HDAC4: variants seen among roughly 807,000 people sequenced by gnomAD.
The protein encoded by HDAC4 is histone deacetylase 4.
HDAC4 carries 16 observed loss-of-function variants against 135.1 expected under a neutral mutation model. The observed-to-expected ratio is 0.12, with a 90% CI of 0.08 to 0.18. The LOEUF is 0.18. HDAC4 is among the 10% of genes least tolerant of loss of function. HDAC4 has a pLI of 1.00. For synonymous variants in HDAC4, 685 were observed against 653.4 expected, an observed-to-expected ratio of 1.05 and a Z score of -0.74; for missense variants, 1,143 against 1,511.8, an observed-to-expected ratio of 0.76 and a Z score of 4.05.
chr2:239,192,231 CA>C (rs1346691647), intron 3 of HDAC4, among the ~76,000 whole-genome samples: 1 of 119,156 alleles, frequency 8.4e-6, no homozygotes, highest in Admixed American at 9.8e-5. Flanking sequence ...GGGGTCCACC[CA>C]CCCCCCACCC....
intron 1 of HDAC4, among the ~76,000 whole-genome samples, chr2:239,387,147 G>T (rs920534599): frequency 6.6e-6 from 1 of 152,256 alleles, no homozygotes; most frequent in Non-Finnish European, 1.5e-5. Context: ...TGTTGAGGAG[G>T]AAGAACACTC....
In HDAC4 at chr2:239,382,827, C is replaced by A. The variant is rs182078414; in HGVS notation, c.-220+18151G>T. 3.3e-4 allele frequency among the ~76,000 whole-genome samples: 50 copies of A among 152,142 alleles called. No individual in the cohort carries two copies. The East Asian group carries it at 7.9e-3, about 24-fold the overall frequency. On this transcript the variant is annotated intron_variant, in intron 1 of 26. Coordinates refer to ENST00000543185, the MANE Select transcript of HDAC4 (RefSeq NM_001378414.1). ...GCAACCTCAGCCATCCAGGTTCAAG[C>A]AATTCTCTTGCCTCAGCCTCCTGAG...
chr2:239,274,564 T>G (rs1160852005), intron 2 of HDAC4, among the ~76,000 whole-genome samples: 2 of 152,120 alleles, frequency 1.3e-5, no homozygotes, highest in East Asian at 3.9e-4. Context: ...TCAACAACAA[T>G]ACAAGTAACC....
At chr2:239,346,152 C>T (rs1290093651) in intron 2 of HDAC4, among the ~76,000 whole-genome samples, 3 of 151,218 alleles carry the variant, frequency 2.0e-5, no homozygotes, top group Non-Finnish European at 4.4e-5. Context: ...CACATGCACT[C>T]ACCCAACACA....
intron 2 of HDAC4, among the ~76,000 whole-genome samples, chr2:239,278,307 G>A (rs979257306): frequency 6.6e-6 from 1 of 151,906 alleles, no homozygotes; most frequent in African/African-American, 2.4e-5. Flanking sequence ...TTTTCTACAA[G>A]GCCACAGAAA....
Position 239,352,626 on chromosome 2 carries a change from T to C in HDAC4, c.22+52A>G. On this transcript the variant is annotated intron_variant, in intron 2 of 26. Transcript: ENST00000543185. The surrounding 1 kb of genome is among the most constrained non-coding windows in gnomAD (Gnocchi z 4.4). The stretch of plus-strand genomic sequence containing the variant: ...GCTGCAGTCACAAGAACTTCTACTT[T>C]GGGCAAAGAAAGCCCCGCTGTGTGC... 2.0e-6 allele frequency: 3 copies of C among 1,533,918 alleles called. No individual in the cohort carries two copies. Among genetic ancestry groups the C allele is most frequent in the Non-Finnish European group, 8.8e-7 (1 of 1,130,684 alleles).
intron 6 of HDAC4, among the ~76,000 whole-genome samples, chr2:239,159,668 G>T (rs748110195): frequency 6.6e-6 from 1 of 151,580 alleles, no homozygotes; most frequent in South Asian, 2.1e-4. Flanking sequence ...AGCTAACCCC[G>T]GCCACAGCCC....
Position 239,230,122 on chromosome 2 carries a change from G to A in HDAC4, c.94+6471C>T, listed in dbSNP as rs142070964. 1.8e-3 allele frequency among the ~76,000 whole-genome samples: 276 copies of A among 152,080 alleles called. 1 individual carries two copies. The highest frequency in any genetic ancestry group is 6.2e-3 in the African/African-American group (258 of 41,480). ...GTGAGATCGCTGTTTTGATGTTAAC[G>A]CTGGTCAGCTGGGCCTGAACGCCAA... On this transcript the variant is annotated intron_variant, in intron 3 of 26. Transcript: ENST00000543185.
chr2:239,067,003 TG>T (rs2033587729), intron 23 of HDAC4, 148 bp from the exon 24 acceptor site: 1 of 931,352 alleles, frequency 1.1e-6, no homozygotes, highest in Non-Finnish European at 1.7e-6. Context: ...ATAAATTCGC[TG>T]AAGAGTTTCG....
rs1466767525 is a variant in HDAC4, at chr2:239,306,845, C to T, written c.22+45833G>A. 6.6e-6 allele frequency among the ~76,000 whole-genome samples: 1 copy of T among 151,946 alleles called. No homozygotes were observed. The highest frequency in any genetic ancestry group is 1.5e-5 in the Non-Finnish European group (1 of 67,944). On this transcript the variant is annotated intron_variant, in intron 2 of 26. Transcript: ENST00000543185. The surrounding 1 kb of genome is among the most constrained non-coding windows in gnomAD (Gnocchi z 4.5). ...ACACCCCCGAGGAGCCAGACAGGATCGAGAGAACCTTCTGGAAGGAGCTGC... is the reference window on the plus strand; with the variant it reads ...ACACCCCCGAGGAGCCAGACAGGATTGAGAGAACCTTCTGGAAGGAGCTGC...
chr2:239,078,077 C>T (rs997114558), intron 22 of HDAC4, among the ~76,000 whole-genome samples: 11 of 152,178 alleles, frequency 7.2e-5, no homozygotes, highest in Non-Finnish European at 1.5e-4. Flanking sequence ...GGAAGAGTCC[C>T]CATGTCCCCG....
chr2:239,364,864 C>T (rs549340139), intron 1 of HDAC4, among the ~76,000 whole-genome samples: 2 of 152,298 alleles, frequency 1.3e-5, no homozygotes, highest in African/African-American at 4.8e-5. Context: ...GAAATAGTCA[C>T]CATACTACTC....
chr2:239,151,718 C>T (rs771910795), intron 7 of HDAC4, among the ~76,000 whole-genome samples: 6 of 152,320 alleles, frequency 3.9e-5, no homozygotes, highest in South Asian at 2.1e-4. Context: ...TAGAGAATGC[C>T]GGAACAAGGC....
chr2:239,266,019 C>T (rs2049705627), intron 2 of HDAC4, among the ~76,000 whole-genome samples: 2 of 152,182 alleles, frequency 1.3e-5, no homozygotes, highest in South Asian at 2.1e-4. Flanking sequence ...CCAGCTCCCC[C>T]TCTAAGGACA....
At chr2:239,109,293 G>A (rs3828204) in intron 14 of HDAC4, among the ~76,000 whole-genome samples, 15,918 of 152,256 alleles carry the variant, frequency 0.1, 1,112 homozygotes, top group Admixed American at 0.24. Context: ...TGATAAGGGC[G>A]GGGCGCACGG....
chr2:239,171,576 T>G (rs549992163), intron 5 of HDAC4, among the ~76,000 whole-genome samples: 1 of 152,326 alleles, frequency 6.6e-6, no homozygotes, highest in South Asian at 2.1e-4. Context: ...TGGGGCAAAG[T>G]CAGTATCTGT....
At position 239,126,539 on chromosome 2, in the gene HDAC4, G is replaced by A; in HGVS notation, c.1450C>T (p.His484Tyr). Residue 484 changes from histidine (H) to tyrosine (Y), a missense_variant, in exon 12 of 27, where the codon CAC becomes TAC. Physicochemically the swap from His to Tyr is moderately conservative, Grantham distance 83. Coordinates refer to ENST00000543185, the MANE Select transcript of HDAC4 (RefSeq NM_001378414.1). ...TGATGCTGCTGCTGGATGACCAGGT[G>A]CTGCAGAGCCTGGGCGTTCTGGGGC... The part of the protein sequence containing the change: ...PLPQNAQALQ[H>Y]LVIQQQHQQF... 1 of 1,613,604 alleles carries A rather than the reference G, an allele frequency of 6.2e-7. No individual in the cohort carries two copies. Among genetic ancestry groups the A allele is most frequent in the South Asian group, 1.1e-5 (1 of 91,042 alleles).
At chr2:239,267,911 A>G (rs562947642) in intron 2 of HDAC4, among the ~76,000 whole-genome samples, 225 of 152,354 alleles carry the variant, frequency 1.5e-3, no homozygotes, top group African/African-American at 5.2e-3. Context: ...CAGTCTTTCA[A>G]ATACCGTCTC....
chr2:239,051,577 A>G lies in HDAC4; in HGVS notation c.*1520T>C, dbSNP rs2030855798. The G allele has an allele frequency of 6.6e-6, 1 of 152,642 alleles. No individual in the cohort carries two copies. Among genetic ancestry groups the G allele is most frequent in the Admixed American group, 6.5e-5 (1 of 15,288 alleles). 9.5% of individuals were successfully genotyped at this position (152,642 alleles called of 1,614,324 possible). On this transcript the variant is annotated 3_prime_UTR_variant, in exon 27 of 27. Coordinates refer to ENST00000543185, the MANE Select transcript of HDAC4 (RefSeq NM_001378414.1). ...AAAATTCATACAAAAATCAACAGCA[A>G]ATTTATATTCTTTGCTATAAAAACT...
Sources: gnomAD v4.1 joint callset for allele counts (sites outside exome capture counted in the v4.1 genomes callset) on GRCh38, gnomAD v4.1.1 for gene constraint, Gnocchi (gnomAD v3.1) non-coding constraint, MANE v1.5 for transcripts, NCBI Gene and HGNC (gene_info 2026-07-23, HGNC 2026-07-21) for gene names.